The following SSBP2 variants were observed in gnomAD, a reference collection of about 807,000 sequenced individuals.
SSBP2 encodes single-stranded DNA-binding protein 2.
A neutral mutation model predicts 61.8 loss-of-function variants in SSBP2; 17 were observed. The ratio of observed to expected loss-of-function variants is 0.28; its 90% CI spans 0.19 to 0.41. The LOEUF (loss-of-function observed/expected upper bound fraction) is 0.41. Among genes scored for constraint, SSBP2 ranks in the 10% least tolerant of loss-of-function variants. The probability of loss-of-function intolerance (pLI) is 1.00; values close to 1 mark genes in which losing one functional copy is unlikely to be tolerated. For missense variants in SSBP2, 310 were observed against 458.7 expected (o/e 0.68, Z 2.96); for synonymous variants, 139 against 141.3 (o/e 0.98, Z 0.12).
Position 81,474,573 on chromosome 5 carries a change from A to G in SSBP2, c.433-11T>C. 6.3e-7 allele frequency: 1 copy of G among 1,596,396 alleles called. No homozygotes were observed. Among genetic ancestry groups the G allele is most frequent in the Non-Finnish European group, 8.5e-7 (1 of 1,169,654 alleles). ...GACACCTCCAAGTGCCTAGCAATTT[A>G]TTAAGAAAAATAAAGAGCAATATTG... is the stretch of plus-strand genomic sequence containing the variant. On this transcript the variant is annotated splice_polypyrimidine_tract_variant and intron_variant, in intron 6 of 16. Coordinates refer to ENST00000320672, the MANE Select transcript of SSBP2 (RefSeq NM_012446.5).
chr5:81,441,642 T>G (rs1182036498), intron 13 of SSBP2, among the ~76,000 whole-genome samples: 1 of 152,136 alleles, frequency 6.6e-6, no homozygotes, highest in Non-Finnish European at 1.5e-5. Context: ...CTTCACCACC[T>G]CTGTGTGTGA....
At chr5:81,686,991 G>A (rs1402780570) in intron 1 of SSBP2, among the ~76,000 whole-genome samples, 6 of 151,878 alleles carry the variant, frequency 4.0e-5, no homozygotes, top group Non-Finnish European at 5.9e-5. Flanking sequence ...CAAGAACACC[G>A]AAGTGAATGA....
intron 4 of SSBP2, among the ~76,000 whole-genome samples, chr5:81,600,007 TTC>T (rs903022260): frequency 3.3e-5 from 5 of 152,240 alleles, no homozygotes; most frequent in Admixed American, 2.6e-4. Context: ...TCTGTTTTAT[TTC>T]TGTCTCTTTG....
At chr5:81,423,744 C>CAA (rs144509502) in intron 16 of SSBP2, among the ~76,000 whole-genome samples, 1 of 130,666 alleles carries the variant, frequency 7.7e-6, no homozygotes, top group East Asian at 2.2e-4. Flanking sequence ...GACTCCGTCT[C>CAA]AAAAAAAAAA....
intron 4 of SSBP2, among the ~76,000 whole-genome samples, chr5:81,569,368 C>G (rs1421423962): frequency 1.3e-5 from 2 of 152,026 alleles, no homozygotes; most frequent in African/African-American, 4.8e-5. Flanking sequence ...GTTAATGAAA[C>G]AGTTTAACAA....
At chr5:81,462,788 G>C (rs958795653) in intron 9 of SSBP2, among the ~76,000 whole-genome samples, 12 of 151,894 alleles carry the variant, frequency 7.9e-5, no homozygotes, top group Non-Finnish European at 1.5e-4. Flanking sequence ...AAAAAAACTT[G>C]GGAACATTTA....
At chr5:81,728,487 C>T (rs946321115) in intron 1 of SSBP2, among the ~76,000 whole-genome samples, 6 of 152,168 alleles carry the variant, frequency 3.9e-5, no homozygotes, top group African/African-American at 9.7e-5. Context: ...CAGAAAATTT[C>T]AGTTATAGTC....
At chr5:81,663,398 T>C (rs909080903) in intron 1 of SSBP2, among the ~76,000 whole-genome samples, 5 of 152,314 alleles carry the variant, frequency 3.3e-5, no homozygotes, top group African/African-American at 1.2e-4. Flanking sequence ...TATAGAACAA[T>C]TAAAGTAGAT....
chr5:81,502,353 GC>G (rs1181150656), intron 5 of SSBP2, among the ~76,000 whole-genome samples: 1 of 152,068 alleles, frequency 6.6e-6, no homozygotes, highest in African/African-American at 2.4e-5. Context: ...TGTCTCAAGG[GC>G]TGCTCTTTTT....
chr5:81,434,964 T>C (rs1169531610), intron 15 of SSBP2, among the ~76,000 whole-genome samples: 1 of 152,046 alleles, frequency 6.6e-6, no homozygotes, highest in African/African-American at 2.4e-5. Context: ...CTACTGATGC[T>C]CTTAAGAGAA....
intron 1 of SSBP2, among the ~76,000 whole-genome samples, chr5:81,658,816 C>G (rs1299238367): frequency 6.6e-6 from 1 of 152,118 alleles, no homozygotes; most frequent in South Asian, 2.1e-4. Context: ...AAAGCTTATC[C>G]ACCACGATCA....
chr5:81,442,833 C>G, intron 12 of SSBP2, 110 bp from the exon 13 acceptor site: 2 of 486,204 alleles, frequency 4.1e-6, no homozygotes, highest in South Asian at 5.0e-5. Context: ...TCTATATAAG[C>G]TGCAACACTT....
At chr5:81,488,040 TA>T (rs1561459295) in intron 6 of SSBP2, among the ~76,000 whole-genome samples, 1 of 28,500 alleles carries the variant, frequency 3.5e-5, no homozygotes, top group Non-Finnish European at 5.7e-5. Flanking sequence ...TATATATATA[TA>T]TATATATATA....
chr5:81,622,658 T>C (rs1312659513), intron 3 of SSBP2, among the ~76,000 whole-genome samples: 4 of 152,194 alleles, frequency 2.6e-5, no homozygotes, highest in Non-Finnish European at 5.9e-5. Context: ...TTAAAATGCA[T>C]ATATATTTTT....
intron 4 of SSBP2, among the ~76,000 whole-genome samples, chr5:81,542,829 C>CTCTCTT (rs143226280): frequency 4.8e-5 from 7 of 146,844 alleles, no homozygotes; most frequent in African/African-American, 5.2e-5. Flanking sequence ...CTCTCTCTCT[C>CTCTCTT]TCTCTCTCTC....
At chr5:81,426,072 C>A (rs2153898676) in intron 16 of SSBP2, among the ~76,000 whole-genome samples, 1 of 152,296 alleles carries the variant, frequency 6.6e-6, no homozygotes, top group East Asian at 1.9e-4. Flanking sequence ...TTTTTGAATT[C>A]ATTAAGAGTT....
chr5:81,690,504 T>C (rs755969596), intron 1 of SSBP2, among the ~76,000 whole-genome samples: 1 of 152,100 alleles, frequency 6.6e-6, no homozygotes, highest in Non-Finnish European at 1.5e-5. Flanking sequence ...TATATAATGA[T>C]AAAGTGATCA....
At chr5:81,501,712 A>G (rs564534873) in intron 5 of SSBP2, among the ~76,000 whole-genome samples, 22 of 150,818 alleles carry the variant, frequency 1.5e-4, no homozygotes, top group African/African-American at 3.4e-4. Flanking sequence ...ACAGGCGCCC[A>G]CCACCACGCC....
intron 5 of SSBP2, among the ~76,000 whole-genome samples, chr5:81,505,524 A>C (rs1324874486): frequency 6.6e-6 from 1 of 152,148 alleles, no homozygotes; most frequent in East Asian, 1.9e-4. Context: ...ACCAACACTA[A>C]AATAAAAACT....
Sources: gnomAD v4.1 joint callset for allele counts (sites outside exome capture counted in the v4.1 genomes callset) on GRCh38, gnomAD v4.1.1 for gene constraint, MANE v1.5 for transcripts, NCBI Gene and HGNC (gene_info 2026-07-23, HGNC 2026-07-21) for gene names.